Variants in SERPINB2 observed in about 807,000 individuals in gnomAD.
SERPINB2 encodes the protein plasminogen activator inhibitor 2.
Under a neutral mutation model 39.4 loss-of-function variants are expected in SERPINB2, and 28 were observed. The observed-to-expected ratio is 0.71, with a 90% CI of 0.53 to 0.97. The LOEUF is 0.97. Ranked by LOEUF, SERPINB2 falls within the 50% of genes least tolerant of loss-of-function variation. The pLI is 0.00. For synonymous variants in SERPINB2, 209 were observed against 175.1 expected (o/e 1.19, Z -1.53); for missense variants, 557 against 505.3 (o/e 1.10, Z -0.98).
chr18:63,889,794 A>C (rs1027782), intron 1 of SERPINB2: 1 of 152,058 alleles, frequency 6.6e-6, no homozygotes, highest in Non-Finnish European at 1.5e-5. Flanking sequence ...CTTCTAGTAG[A>C]ATTACAGGTT....
At chr18:63,888,879 G>A (rs1206439806) in intron 1 of SERPINB2, among the ~76,000 whole-genome samples, 2 of 152,138 alleles carry the variant, frequency 1.3e-5, no homozygotes, top group African/African-American at 2.4e-5. Context: ...TGTTCCAGGA[G>A]GCTGTGGTAT....
Position 63,897,216 on chromosome 18 carries a change from G to C in SERPINB2, c.414G>C (p.Arg138=). ...TTGGTGAGAAGTCTGCGAGCTTCCGGGAAGTAAGTGAAACCTGTAATTGAA... is the reference window on the plus strand; with the variant it reads ...TTGGTGAGAAGTCTGCGAGCTTCCGCGAAGTAAGTGAAACCTGTAATTGAA... ...KLFGEKSASF[R]EEYIRLCQKY... is the part of the protein sequence containing the mutation. The change falls in exon 4 of 8, where the codon CGG becomes CGC. Residue 138 remains arginine (R), a synonymous_variant. Coordinates refer to ENST00000299502, the MANE Select transcript of SERPINB2 (RefSeq NM_002575.3). The C allele has an allele frequency of 6.2e-7, 1 of 1,606,710 alleles. No homozygotes were observed. The highest frequency in any genetic ancestry group is 8.5e-7 in the Non-Finnish European group (1 of 1,177,128).
intron 4 of SERPINB2, 24 bp from the exon 5 acceptor site, chr18:63,897,703 C>T: frequency 7.0e-7 from 1 of 1,420,098 alleles, no homozygotes; most frequent in Non-Finnish European, 1.0e-6. Context: ...TTTATGTAGC[C>T]TTTGTCATTT....
Position 63,897,728 on chromosome 18 carries a change from A to T in SERPINB2, c.419A>T (p.Glu140Val). ...FGEKSASFRE[E>V]YIRLCQKYYS... ...CTTTGTCATTTTCTTGCTTTAAAGG[A>T]ATATATTCGACTCTGTCAGAAATAT... The change falls in exon 5 of 8, where the codon GAA (glutamate) becomes GTA (valine). Residue 140 changes from glutamate to valine, a missense_variant and splice_region_variant. Coordinates refer to ENST00000299502, the MANE Select transcript of SERPINB2 (RefSeq NM_002575.3). 6.3e-7 allele frequency: 1 copy of T among 1,579,556 alleles called. No individual in the cohort carries two copies. Among genetic ancestry groups the T allele is most frequent in the South Asian group, 1.1e-5 (1 of 90,318 alleles).
At chr18:63,901,923 G>T (rs1459493655) in intron 6 of SERPINB2, 41 bp downstream of exon 6, 1 of 1,566,166 alleles carries the variant, frequency 6.4e-7, no homozygotes. Context: ...ATATATTTTA[G>T]GGCTTTTGAC....
Position 63,902,987 on chromosome 18 carries a change from C to T in SERPINB2, c.930C>T (p.Pro310=), listed in dbSNP as rs773453710. ...MAEDEVEVYI[P]QFKLEEHYEL... The stretch of plus-strand genomic sequence containing the variant: ...AAGATGAAGTTGAGGTATACATACC[C>T]CAGTTCAAATTAGAAGAGCATTATG... Residue 310 remains proline, a synonymous_variant, in exon 8 of 8, where the codon CCC becomes CCT. Transcript: ENST00000299502. 3.7e-5 allele frequency: 60 copies of T among 1,613,494 alleles called. No homozygotes were observed. The highest frequency in any genetic ancestry group is 5.3e-5 in the African/African-American group (4 of 74,878).
chr18:63,889,284 A>G (rs2049910475), intron 1 of SERPINB2, among the ~76,000 whole-genome samples: 1 of 152,236 alleles, frequency 6.6e-6, no homozygotes, highest in Admixed American at 6.5e-5. Flanking sequence ...TAAAAATATA[A>G]TTGAAACTAT....
chr18:63,894,054 A>G (rs1268962989), intron 2 of SERPINB2, among the ~76,000 whole-genome samples: 1 of 152,182 alleles, frequency 6.6e-6, no homozygotes, highest in Non-Finnish European at 1.5e-5. Flanking sequence ...AGACCCATCC[A>G]GGCCAAACTG....
At chr18:63,898,965 G>A (rs941269108) in intron 5 of SERPINB2, among the ~76,000 whole-genome samples, 1 of 152,186 alleles carries the variant, frequency 6.6e-6, no homozygotes, top group Non-Finnish European at 1.5e-5. Context: ...AAAACTGTCA[G>A]TGACCTCCTA....
At chr18:63,888,082 C>T (rs2049904139) in intron 1 of SERPINB2, among the ~76,000 whole-genome samples, 1 of 152,156 alleles carries the variant, frequency 6.6e-6, no homozygotes, top group Non-Finnish European at 1.5e-5. Flanking sequence ...ATGTTCTCTA[C>T]TAGCTACTGT....
chr18:63,894,196 T>C lies in SERPINB2; in HGVS notation c.169-1068T>C, dbSNP rs148327959. Among the ~76,000 whole-genome samples, 179 of 152,236 alleles carry C rather than the reference T, an allele frequency of 1.2e-3. 4 individuals are homozygous for C. In the South Asian group the frequency reaches 0.021, roughly 18 times the overall value. ...TAGTGCTAGCCCAAAGAACCCTGATTTAAGGGTCAATTTCCTTGGAAGAGA... is the reference window on the plus strand; with the variant it reads ...TAGTGCTAGCCCAAAGAACCCTGATCTAAGGGTCAATTTCCTTGGAAGAGA... On this transcript the variant is annotated intron_variant, in intron 2 of 7. Transcript: ENST00000299502.
intron 4 of SERPINB2, 54 bp from the exon 5 acceptor site, chr18:63,897,673 A>G: frequency 2.5e-6 from 3 of 1,197,174 alleles, no homozygotes; most frequent in South Asian, 1.2e-5. Context: ...CCATTATGCC[A>G]TGGCTTGTTT....
At chr18:63,890,186 A>G (rs960052255) in intron 1 of SERPINB2, 3 of 152,214 alleles carry the variant, frequency 2.0e-5, no homozygotes, top group Non-Finnish European at 4.4e-5. Context: ...ACATTTTAAT[A>G]CAAATAAATT....
rs2050007550 is a variant in SERPINB2, at chr18:63,903,400, T to G, written c.*95T>G. 1 of 1,261,726 alleles carries G rather than the reference T, an allele frequency of 7.9e-7. No individual in the cohort carries two copies. Among genetic ancestry groups the G allele is most frequent in the African/African-American group, 1.5e-5 (1 of 64,942 alleles). The allele number at this position is 1,261,726 out of a possible 1,614,324, so 78.2% of individuals were successfully genotyped here. A position where few individuals can be genotyped will look rare whatever the true frequency, so the allele number is the denominator to read the frequency against. On this transcript the variant is annotated 3_prime_UTR_variant, in exon 8 of 8. Transcript: ENST00000299502. The stretch of plus-strand genomic sequence containing the variant: ...TTGCCAAAAATTTAGAGATGTTTTC[T>G]ACATATTTCTGCTCTTCTGAACAAC...
At position 63,897,765 on chromosome 18, in the gene SERPINB2, A is replaced by G. The variant is rs139439211; in HGVS notation, c.456A>G (p.Glu152=). ...IRLCQKYYSS[E]PQAVDFLECA... ...TCTGTCAGAAATATTACTCCTCAGA[A>G]CCCCAGGCAGTAGACTTCCTAGAAT... Residue 152 remains glutamate, a synonymous_variant, in exon 5 of 8, where the codon GAA becomes GAG. Transcript: ENST00000299502. 4.3e-6 allele frequency: 7 copies of G among 1,613,370 alleles called. No individual in the cohort carries two copies. Among genetic ancestry groups the G allele is most frequent in the South Asian group, 1.1e-5 (1 of 91,048 alleles).
chr18:63,897,992 G>A, intron 5 of SERPINB2, 148 bp downstream of exon 5: 2 of 627,290 alleles, frequency 3.2e-6, no homozygotes, highest in Non-Finnish European at 5.7e-6. Context: ...TTCCTGATTA[G>A]CTCAGTGGTG....
chr18:63,893,452 C>CTA (rs1250799457), intron 2 of SERPINB2, among the ~76,000 whole-genome samples: 4 of 150,762 alleles, frequency 2.7e-5, no homozygotes, highest in African/African-American at 7.4e-5. Context: ...TTTTGAGACT[C>CTA]TATATATATC....
At chr18:63,902,718 C>T (rs2050000647) in intron 7 of SERPINB2, 150 bp downstream of exon 7, 4 of 1,065,612 alleles carry the variant, frequency 3.8e-6, no homozygotes, top group South Asian at 1.7e-5. Flanking sequence ...ACATTTCATT[C>T]AAAGCCTTAA....
intron 2 of SERPINB2, 108 bp downstream of exon 2, chr18:63,891,720 C>A (rs945168878): frequency 7.3e-6 from 8 of 1,093,842 alleles, no homozygotes; most frequent in East Asian, 2.6e-5. Context: ...GGTCAGCAAT[C>A]ATCACAGGTA....
Sources: gnomAD v4.1 joint callset for allele counts (sites outside exome capture counted in the v4.1 genomes callset) on GRCh38, gnomAD v4.1.1 for gene constraint, MANE v1.5 for transcripts, NCBI Gene and HGNC (gene_info 2026-07-23, HGNC 2026-07-21) for gene names.